GNA11: variants seen among roughly 807,000 people sequenced by gnomAD.
The protein encoded by GNA11 is guanine nucleotide-binding protein subunit alpha-11.
In GNA11, 8 loss-of-function variants were observed where a neutral mutation model predicts 38.2. That is an observed-to-expected ratio of 0.21 (90% confidence interval 0.12 to 0.38). The LOEUF is 0.38. Among genes scored for constraint, GNA11 ranks in the 10% least tolerant of loss-of-function variants. The pLI is 1.00. For missense variants in GNA11, 268 were observed against 516.3 expected (o/e 0.52, Z 4.66); for synonymous variants, 211 against 221.4 (o/e 0.95, Z 0.42).
intron 1 of GNA11, among the ~76,000 whole-genome samples, chr19:3,101,656 C>T (rs1448227161): frequency 2.6e-5 from 4 of 152,162 alleles, no homozygotes; most frequent in African/African-American, 9.7e-5. Context: ...GGGTCTGTCC[C>T]TGTCCCTCAG....
At position 3,123,294 on chromosome 19, in the gene GNA11, G is replaced by C. The variant is rs1008435932; in HGVS notation, c.*2115G>C. On this transcript the variant is annotated 3_prime_UTR_variant, in exon 7 of 7. Transcript: ENST00000078429. ...GGGGCGTGCCAAGCATCCCAGAGCC[G>C]GGCTGGGACCGCCAAAACGTCGTGG... 4.3e-6 allele frequency: 1 copy of C among 233,204 alleles called. No homozygotes were observed. The highest frequency in any genetic ancestry group is 2.2e-5 in the African/African-American group (1 of 45,334). 14.4% of individuals were successfully genotyped at this position (233,204 alleles called of 1,614,324 possible). A position where few individuals can be genotyped will look rare whatever the true frequency, so the allele number is the denominator to read the frequency against.
In GNA11 at chr19:3,120,454, C is replaced by T. The variant is rs961826213; in HGVS notation, c.890-535C>T. On this transcript the variant is annotated intron_variant, in intron 6 of 6. Transcript: ENST00000078429. The surrounding 1 kb of genome is among the most constrained non-coding windows in gnomAD (Gnocchi z 5.9). ...ACCGGGGCAGGCAGGAGTTACTGGG[C>T]GGGTCGCCTGCATTGTCCAGGGTGG... Among the ~76,000 whole-genome samples the T allele has an allele frequency of 2.2e-5, 3 of 138,038 alleles. No homozygotes were observed. The highest frequency in any genetic ancestry group is 2.5e-4 in the South Asian group (1 of 3,928). 90.6% of individuals were successfully genotyped at this position (138,038 alleles called of 152,430 possible).
In GNA11 at chr19:3,121,512, G is replaced by GC. The variant is rs34944502; in HGVS notation, c.*337dup. ...GCAACGAAACATAAAACACACAAGC[G>GC]CCCCGTGCCCCCAGTGACTCTGGGC... On this transcript the variant is annotated 3_prime_UTR_variant, in exon 7 of 7. Coordinates refer to ENST00000078429, the MANE Select transcript of GNA11 (RefSeq NM_002067.5). 0.18 allele frequency: 42,489 copies of GC among 238,012 alleles called. 4,501 individuals carry two copies. The highest frequency in any genetic ancestry group is 0.24 in the Admixed American group (4,300 of 18,048). 14.7% of individuals were successfully genotyped at this position (238,012 alleles called of 1,614,324 possible). A position where few individuals can be genotyped will look rare whatever the true frequency, so the allele number is the denominator to read the frequency against.
rs1473951790 is a variant in GNA11, at chr19:3,123,336, C to G, written c.*2157C>G. On this transcript the variant is annotated 3_prime_UTR_variant, in exon 7 of 7. Coordinates refer to ENST00000078429, the MANE Select transcript of GNA11 (RefSeq NM_002067.5). ...ACGTCGTGGCCTGGATCCTCTGGGT[C>G]TGAGTGCCTGATCCCCTGCCCCCCA... 4.3e-6 allele frequency: 1 copy of G among 233,316 alleles called. No individual in the cohort carries two copies. Among genetic ancestry groups the G allele is most frequent in the Non-Finnish European group, 8.5e-6 (1 of 118,316 alleles). The allele number at this position is 233,316 out of a possible 1,614,324, so 14.5% of individuals were successfully genotyped here.
intron 1 of GNA11, among the ~76,000 whole-genome samples, chr19:3,096,983 C>G (rs919678681): frequency 6.6e-6 from 1 of 152,146 alleles, no homozygotes; most frequent in Non-Finnish European, 1.5e-5. Flanking sequence ...ACCTTGCATC[C>G]CAGCTGGAGG....
At chr19:3,103,628 C>T (rs954327555) in intron 1 of GNA11, among the ~76,000 whole-genome samples, 4 of 129,552 alleles carry the variant, frequency 3.1e-5, no homozygotes, top group Non-Finnish European at 6.3e-5. Flanking sequence ...TGGGTTCAAG[C>T]GTTTCTCCTG....
Position 3,113,879 on chromosome 19 carries a change from C to T in GNA11, c.476+395C>T, listed in dbSNP as rs998471459. The stretch of plus-strand genomic sequence containing the variant: ...GCCGTCTCGCTCCTGCCTGGGACAT[C>T]GTCCCCAGAGCCACGTCTCCCACTA... On this transcript the variant is annotated intron_variant, in intron 3 of 6. Transcript: ENST00000078429. 3.3e-5 allele frequency among the ~76,000 whole-genome samples: 5 copies of T among 152,296 alleles called. No homozygotes were observed. In the East Asian group the frequency reaches 9.7e-4, roughly 29 times the overall value.
At chr19:3,117,519 C>A (rs1183558181) in intron 4 of GNA11, 1 of 151,494 alleles carries the variant, frequency 6.6e-6, no homozygotes, top group Non-Finnish European at 1.5e-5. Context: ...GTAGCTGGGA[C>A]TATAGACGCC....
chr19:3,115,228 A>C, intron 4 of GNA11, 156 bp downstream of exon 4: 1 of 768,752 alleles, frequency 1.3e-6, no homozygotes, highest in Non-Finnish European at 2.1e-6. Context: ...ACATAGCCAG[A>C]CCTCATATCT....
At chr19:3,111,816 C>T (rs947878344) in intron 2 of GNA11, among the ~76,000 whole-genome samples, 1 of 152,184 alleles carries the variant, frequency 6.6e-6, no homozygotes, top group Non-Finnish European at 1.5e-5. Context: ...CAGTGGCCTC[C>T]CTGGGGCCTT....
chr19:3,119,084 G>C lies in GNA11; in HGVS notation c.735+31G>C, dbSNP rs758970195. The C allele has an allele frequency of 3.0e-5, 49 of 1,610,438 alleles. No homozygotes were observed. Among genetic ancestry groups the C allele is most frequent in the Non-Finnish European group, 4.2e-5 (49 of 1,177,478 alleles). On this transcript the variant is annotated intron_variant, in intron 5 of 6. Transcript: ENST00000078429. This position sits in a 1 kb window ranked among gnomAD's most constrained non-coding sequence, Gnocchi z 4.6. ...CCCTGCCCTGAGCAGGGGCAGCGTT[G>C]GGGGCCGGGCCTTCCCCACCTGCCA...
chr19:3,107,336 C>T (rs896661064), intron 1 of GNA11, among the ~76,000 whole-genome samples: 4 of 152,204 alleles, frequency 2.6e-5, no homozygotes, highest in African/African-American at 9.7e-5. Context: ...TTGGTCTTCC[C>T]GGCATCCTCG....
At chr19:3,113,154 A>T (rs1251628054) in intron 2 of GNA11, among the ~76,000 whole-genome samples, 176 bp from the exon 3 acceptor site, 1 of 152,244 alleles carries the variant, frequency 6.6e-6, no homozygotes, top group African/African-American at 2.4e-5. Context: ...CCACACCGCC[A>T]GGCGGCCTCG....
intron 2 of GNA11, among the ~76,000 whole-genome samples, chr19:3,112,812 C>T (rs889831161): frequency 7.2e-5 from 11 of 152,234 alleles, no homozygotes; most frequent in South Asian, 2.1e-4. Context: ...GAGAAGCCGG[C>T]GGGGCAGAAA....
chr19:3,100,212 T>C (rs1017443091), intron 1 of GNA11, among the ~76,000 whole-genome samples: 5 of 152,158 alleles, frequency 3.3e-5, no homozygotes, highest in African/African-American at 1.2e-4. Flanking sequence ...GATCGTTCTC[T>C]GGGGTGGAGC....
Position 3,122,942 on chromosome 19 carries a change from ATAC to A in GNA11, c.*1764_*1766del. 1 of 193,404 alleles carries A rather than the reference ATAC, an allele frequency of 5.2e-6. No homozygotes were observed. Among genetic ancestry groups the A allele is most frequent in the Non-Finnish European group, 1.0e-5 (1 of 99,452 alleles). 12.0% of individuals were successfully genotyped at this position (193,404 alleles called of 1,614,324 possible). A position where few individuals can be genotyped will look rare whatever the true frequency, so the allele number is the denominator to read the frequency against. The stretch of plus-strand genomic sequence containing the variant: ...CCCATGGGGAGACGGGGCTGGCGGG[ATAC>A]CCCCCCCCCGGCTTCCCCACACCAC... On this transcript the variant is annotated 3_prime_UTR_variant, in exon 7 of 7. Coordinates refer to ENST00000078429, the MANE Select transcript of GNA11 (RefSeq NM_002067.5). This position sits in a 1 kb window ranked among gnomAD's most constrained non-coding sequence, Gnocchi z 7.7.
At chr19:3,098,561 G>A (rs912807109) in intron 1 of GNA11, among the ~76,000 whole-genome samples, 9 of 152,224 alleles carry the variant, frequency 5.9e-5, no homozygotes, top group South Asian at 4.1e-4. Context: ...AGGCTGAGCC[G>A]GAGTGGCTCC....
chr19:3,105,773 A>C (rs1913625773), intron 1 of GNA11, among the ~76,000 whole-genome samples: 1 of 152,098 alleles, frequency 6.6e-6, no homozygotes, highest in Admixed American at 6.5e-5. Context: ...GGGTCTTTGC[A>C]CCCGTGCACC....
intron 1 of GNA11, among the ~76,000 whole-genome samples, chr19:3,103,011 C>T (rs1343415492): frequency 1.3e-5 from 2 of 152,290 alleles, no homozygotes; most frequent in South Asian, 4.1e-4. Flanking sequence ...CTGGCCTCCC[C>T]GCAGCCTGGT....
Sources: allele counts gnomAD v4.1 joint callset (sites outside exome capture counted in the v4.1 genomes callset), GRCh38; gene constraint gnomAD v4.1.1; non-coding constraint Gnocchi (gnomAD v3.1); transcripts MANE v1.5; gene names NCBI Gene and HGNC (gene_info 2026-07-23, HGNC 2026-07-21).